ESRRG: variants seen among roughly 807,000 people sequenced by gnomAD.
The protein encoded by ESRRG is estrogen-related receptor gamma.
A neutral mutation model predicts 44.0 loss-of-function variants in ESRRG; 13 were observed. The ratio of observed to expected loss-of-function variants is 0.30; its 90% CI spans 0.19 to 0.47. The LOEUF (loss-of-function observed/expected upper bound fraction) is 0.47. Ranked by LOEUF, ESRRG falls within the 20% of genes least tolerant of loss-of-function variation. ESRRG has a pLI of 1.00. For missense variants in ESRRG, 395 were observed against 580.6 expected (o/e 0.68, Z 3.29); for synonymous variants, 215 against 214.6 (o/e 1.00, Z -0.02).
At chr1:216,744,446 G>T (rs901396194) in intron 2 of ESRRG, among the ~76,000 whole-genome samples, 1 of 150,748 alleles carries the variant, frequency 6.6e-6, no homozygotes, top group Admixed American at 6.7e-5. Context: ...TCCCATCTGA[G>T]TCTAGTACCA....
chr1:216,578,456 T>A (rs988075702), intron 3 of ESRRG, among the ~76,000 whole-genome samples: 1 of 152,066 alleles, frequency 6.6e-6, no homozygotes, highest in East Asian at 1.9e-4. Flanking sequence ...CAAGCCACAG[T>A]CTCTCTGTTT....
At chr1:216,752,813 T>C (rs1489770876) in intron 2 of ESRRG, among the ~76,000 whole-genome samples, 1 of 152,110 alleles carries the variant, frequency 6.6e-6, no homozygotes, top group Non-Finnish European at 1.5e-5. Context: ...TTAGTTAACT[T>C]TACTGTACTT....
intron 3 of ESRRG, among the ~76,000 whole-genome samples, chr1:216,580,282 T>C (rs2062506066): frequency 6.6e-6 from 1 of 152,214 alleles, no homozygotes; most frequent in African/African-American, 2.4e-5. Flanking sequence ...TATGAACCTC[T>C]TGTCAATTTT....
intron 2 of ESRRG, among the ~76,000 whole-genome samples, chr1:216,935,355 C>T (rs1248993113): frequency 1.3e-5 from 2 of 152,192 alleles, no homozygotes; most frequent in Admixed American, 6.5e-5. Flanking sequence ...TCCTTAACCC[C>T]CTTCTCTGGT....
upstream of ESRRG, among the ~76,000 whole-genome samples, chr1:216,725,072 C>A (rs940449528): frequency 1.3e-5 from 2 of 152,076 alleles, no homozygotes; most frequent in African/African-American, 2.4e-5. Context: ...CTTTAAAAAA[C>A]CAAAACACTA....
intron 5 of ESRRG, among the ~76,000 whole-genome samples, chr1:216,534,499 A>G (rs894460152): frequency 2.6e-5 from 4 of 152,168 alleles, no homozygotes; most frequent in Admixed American, 2.0e-4. Flanking sequence ...GGATATTAAT[A>G]TCTTTAAAAC....
intron 1 of ESRRG, among the ~76,000 whole-genome samples, chr1:217,057,479 T>C (rs994915063): frequency 5.3e-5 from 8 of 151,986 alleles, no homozygotes; most frequent in African/African-American, 1.9e-4. Flanking sequence ...CAAAAGAAAC[T>C]TAAAGACATT....
intron 3 of ESRRG, among the ~76,000 whole-genome samples, chr1:216,620,991 G>A (rs1005099428): frequency 1.3e-5 from 2 of 152,156 alleles, no homozygotes; most frequent in East Asian, 1.9e-4. Flanking sequence ...GACACCAGAC[G>A]TCAAGATGCA....
chr1:216,775,935 A>C (rs562140128), intron 2 of ESRRG, among the ~76,000 whole-genome samples: 1 of 151,996 alleles, frequency 6.6e-6, no homozygotes, highest in South Asian at 2.1e-4. Context: ...TCTTAATTGA[A>C]GCTACTCTTT....
chr1:216,979,268 G>A (rs1235247777), intron 1 of ESRRG, among the ~76,000 whole-genome samples: 2 of 152,066 alleles, frequency 1.3e-5, no homozygotes, highest in Non-Finnish European at 2.9e-5. Context: ...TGTGATTCAG[G>A]ATTGGCTTTA....
At chr1:217,010,258 C>T (rs536300610) in intron 1 of ESRRG, among the ~76,000 whole-genome samples, 2 of 152,160 alleles carry the variant, frequency 1.3e-5, no homozygotes, top group Non-Finnish European at 2.9e-5. Context: ...GTTCTTCATG[C>T]TGTGTCTCTT....
At chr1:216,722,405 A>G (rs1164914624) in intron 1 of ESRRG, among the ~76,000 whole-genome samples, 1 of 117,620 alleles carries the variant, frequency 8.5e-6, no homozygotes, top group Non-Finnish European at 1.7e-5. Context: ...CGTACCCCCT[A>G]CTCACTCCCC....
chr1:217,120,655 C>A (rs571283708), intron 1 of ESRRG, among the ~76,000 whole-genome samples: 3 of 152,116 alleles, frequency 2.0e-5, no homozygotes, highest in Non-Finnish European at 4.4e-5. Flanking sequence ...TTTATTCAAC[C>A]CTTTCATACA....
intron 2 of ESRRG, among the ~76,000 whole-genome samples, chr1:216,735,310 G>C (rs952853739): frequency 6.6e-6 from 1 of 151,744 alleles, no homozygotes; most frequent in Non-Finnish European, 1.5e-5. Flanking sequence ...CTGTGCTCAA[G>C]TGATCCTTCT....
At chr1:216,792,466 C>T (rs12023645) in intron 2 of ESRRG, among the ~76,000 whole-genome samples, 19,611 of 151,972 alleles carry the variant, frequency 0.13, 2,281 homozygotes, top group African/African-American at 0.31. Context: ...CAGCCATCAA[C>T]GATTGCTTCA....
At chr1:216,771,758 G>T (rs946470) in intron 2 of ESRRG, among the ~76,000 whole-genome samples, 84,113 of 150,768 alleles carry the variant, frequency 0.56, 24,706 homozygotes, top group African/African-American at 0.75. Context: ...TCCTGTGATA[G>T]CATTAGAAAT....
At chr1:217,046,984 T>C (rs988118183) in intron 1 of ESRRG, among the ~76,000 whole-genome samples, 4 of 152,074 alleles carry the variant, frequency 2.6e-5, no homozygotes, top group African/African-American at 2.4e-5. Flanking sequence ...ATTGAATATA[T>C]TAACATATGT....
At chr1:217,093,638 G>T (rs2151554296), upstream of ESRRG, among the ~76,000 whole-genome samples, 1 of 152,040 alleles carries the variant, frequency 6.6e-6, no homozygotes, top group East Asian at 1.9e-4. Context: ...GAAAAAATCA[G>T]CAGGGCATGG....
upstream of ESRRG, among the ~76,000 whole-genome samples, chr1:216,726,728 T>G (rs2087600225): frequency 6.6e-6 from 1 of 152,166 alleles, no homozygotes; most frequent in Non-Finnish European, 1.5e-5. Context: ...ATCAGGCTCT[T>G]GGTGTATGCA....
Sources: allele counts gnomAD v4.1 joint callset (sites outside exome capture counted in the v4.1 genomes callset), GRCh38; gene constraint gnomAD v4.1.1; transcripts MANE v1.5; gene names NCBI Gene and HGNC (gene_info 2026-07-23, HGNC 2026-07-21).